Variants in SPATA16 observed in about 807,000 individuals in gnomAD.
The protein encoded by SPATA16 is spermatogenesis associated 16.
SPATA16 carries 36 observed loss-of-function variants against 63.3 expected under a neutral mutation model. That is an observed-to-expected ratio of 0.57 (90% CI 0.44 to 0.75). SPATA16 has a LOEUF of 0.75. Ranked by LOEUF, SPATA16 falls within the 30% of genes least tolerant of loss-of-function variation. SPATA16 has a pLI of 0.00. For synonymous variants in SPATA16, 203 were observed against 216.7 expected, an observed-to-expected ratio of 0.94 and a Z score of 0.56; for missense variants, 646 against 679.3, an observed-to-expected ratio of 0.95 and a Z score of 0.54.
chr3:172,900,024 C>T (rs1023600037), intron 10 of SPATA16, among the ~76,000 whole-genome samples: 6 of 152,082 alleles, frequency 3.9e-5, no homozygotes, highest in Non-Finnish European at 8.8e-5. Context: ...CTTTTGCTTA[C>T]TGTGTTCTCT....
chr3:173,008,121 C>T (rs1734985144), intron 4 of SPATA16, among the ~76,000 whole-genome samples: 1 of 152,090 alleles, frequency 6.6e-6, no homozygotes, highest in Non-Finnish European at 1.5e-5. Flanking sequence ...CATTAAACTA[C>T]AGGATTCATT....
At chr3:173,096,435 A>G (rs1456583086) in intron 2 of SPATA16, among the ~76,000 whole-genome samples, 1 of 152,118 alleles carries the variant, frequency 6.6e-6, no homozygotes, top group Non-Finnish European at 1.5e-5. Context: ...AAATGGAAAT[A>G]CCCAGAAAAG....
chr3:173,039,447 A>G (rs1413317982), intron 3 of SPATA16, among the ~76,000 whole-genome samples: 1 of 152,134 alleles, frequency 6.6e-6, no homozygotes, highest in African/African-American at 2.4e-5. Context: ...GGAAATCAAA[A>G]GCAAACAGCA....
At chr3:173,119,272 A>G (rs1270729841) in intron 1 of SPATA16, among the ~76,000 whole-genome samples, 1 of 152,178 alleles carries the variant, frequency 6.6e-6, no homozygotes, top group African/African-American at 2.4e-5. Flanking sequence ...ATGTATACCT[A>G]TGTAACAAAC....
At chr3:172,966,285 T>C (rs914158574) in intron 5 of SPATA16, among the ~76,000 whole-genome samples, 7 of 152,348 alleles carry the variant, frequency 4.6e-5, no homozygotes, top group Middle Eastern at 6.8e-3. Context: ...TTGCATCTTA[T>C]ATGAACGTTA....
intron 4 of SPATA16, among the ~76,000 whole-genome samples, chr3:173,010,627 A>C (rs1735049751): frequency 6.6e-6 from 1 of 152,130 alleles, no homozygotes. Context: ...TGCCCTGCAG[A>C]CAGACAGCCA....
intron 1 of SPATA16, among the ~76,000 whole-genome samples, chr3:173,127,640 G>T (rs368035321): frequency 6.6e-6 from 1 of 152,170 alleles, no homozygotes; most frequent in Middle Eastern, 3.2e-3. Context: ...CAGGTTAAGC[G>T]GCCTCAGCCA....
chr3:173,020,189 C>T (rs141773398), intron 3 of SPATA16, among the ~76,000 whole-genome samples: 13,326 of 151,518 alleles, frequency 0.088, 760 homozygotes, highest in Middle Eastern at 0.14. Flanking sequence ...CTCAGCTACT[C>T]GGGAGGCTGA....
intron 2 of SPATA16, among the ~76,000 whole-genome samples, chr3:173,100,476 G>T (rs1385878985): frequency 2.0e-5 from 3 of 151,962 alleles, no homozygotes; most frequent in Admixed American, 6.6e-5. Context: ...CACTATAAAG[G>T]CATCAGAAAG....
At chr3:172,989,440 AT>A (rs1280522160) in intron 4 of SPATA16, among the ~76,000 whole-genome samples, 1 of 152,150 alleles carries the variant, frequency 6.6e-6, no homozygotes, top group East Asian at 1.9e-4. Flanking sequence ...TGAATAAATT[AT>A]TTTTCATCAG....
intron 10 of SPATA16, among the ~76,000 whole-genome samples, chr3:172,895,988 A>ATTTTT (rs368227171): frequency 6.7e-6 from 1 of 148,834 alleles, no homozygotes. Flanking sequence ...TGCATATTTA[A>ATTTTT]TTTTTTTTTT....
chr3:173,042,473 C>A lies in SPATA16; in HGVS notation c.758+6476G>T, dbSNP rs550941770. ...TCCTCCTGACCTCAGCGATCCACCC[C>A]CCTTGGCCTCCCAAAGTGTTGGCAT... On this transcript the variant is annotated intron_variant, in intron 3 of 10. Transcript: ENST00000351008. Among the ~76,000 whole-genome samples, 25 of 152,196 alleles carry A rather than the reference C, an allele frequency of 1.6e-4. 1 individual carries two copies. In the South Asian group the frequency reaches 4.6e-3, roughly 28 times the overall value.
At chr3:172,890,975 AAT>A (rs1731883432) in intron 10 of SPATA16, among the ~76,000 whole-genome samples, 1 of 149,064 alleles carries the variant, frequency 6.7e-6, no homozygotes, top group Admixed American at 6.7e-5. Flanking sequence ...ATATATATAT[AAT>A]ATGTGTATAT....
chr3:173,112,466 C>A (rs1331009337), intron 2 of SPATA16, among the ~76,000 whole-genome samples: 1 of 152,178 alleles, frequency 6.6e-6, no homozygotes, highest in Non-Finnish European at 1.5e-5. Context: ...AGCCCTGAAA[C>A]CAGATAAGCG....
chr3:172,891,480 C>CT (rs1334153126), intron 10 of SPATA16, among the ~76,000 whole-genome samples: 1 of 152,218 alleles, frequency 6.6e-6, no homozygotes, highest in East Asian at 1.9e-4. Flanking sequence ...CACCTCCTAC[C>CT]TGGCCTGTCT....
intron 3 of SPATA16, among the ~76,000 whole-genome samples, chr3:173,044,484 C>T (rs1179463773): frequency 6.6e-6 from 1 of 152,160 alleles, no homozygotes; most frequent in African/African-American, 2.4e-5. Flanking sequence ...GGATTCTCAT[C>T]TCTTCACTCA....
intron 3 of SPATA16, among the ~76,000 whole-genome samples, chr3:173,025,582 A>G (rs1735434073): frequency 6.6e-6 from 1 of 151,856 alleles, no homozygotes; most frequent in Admixed American, 6.6e-5. Flanking sequence ...ACCGTACTAA[A>G]CAGTTCTCTC....
intron 2 of SPATA16, among the ~76,000 whole-genome samples, chr3:173,051,570 C>G (rs534180517): frequency 2.2e-4 from 33 of 152,200 alleles, no homozygotes; most frequent in African/African-American, 7.7e-4. Context: ...CTCCTGACCT[C>G]AAGTAATCTG....
chr3:173,082,189 G>A (rs2108314046), intron 2 of SPATA16, among the ~76,000 whole-genome samples: 1 of 152,214 alleles, frequency 6.6e-6, no homozygotes, highest in Non-Finnish European at 1.5e-5. Context: ...AGAATTCAAA[G>A]GAAGGCCCAC....
Sources: gnomAD v4.1 joint callset for allele counts (sites outside exome capture counted in the v4.1 genomes callset) on GRCh38, gnomAD v4.1.1 for gene constraint, MANE v1.5 for transcripts, NCBI Gene and HGNC (gene_info 2026-07-23, HGNC 2026-07-21) for gene names.